The following RAP1GAP2 variants were observed in gnomAD, a reference collection of about 807,000 sequenced individuals.
RAP1GAP2 encodes RAP1 GTPase activating protein 2, also known as rap1 GTPase-activating protein 2.
A neutral mutation model predicts 95.0 loss-of-function variants in RAP1GAP2; 27 were observed. The observed-to-expected ratio is 0.28, with a 90% CI of 0.21 to 0.39. The LOEUF (loss-of-function observed/expected upper bound fraction) is 0.39, where lower values mean the gene tolerates loss of function less well. RAP1GAP2 is among the 10% of genes least tolerant of loss of function. RAP1GAP2 has a pLI of 1.00. For synonymous variants in RAP1GAP2, 373 were observed against 380.9 expected (o/e 0.98, Z 0.24); for missense variants, 771 against 970.0 (o/e 0.79, Z 2.72).
chr17:2,849,652 A>C (rs1045181023), intron 2 of RAP1GAP2, among the ~76,000 whole-genome samples: 1 of 151,890 alleles, frequency 6.6e-6, no homozygotes, highest in African/African-American at 2.4e-5. Flanking sequence ...TGGAAGAGAG[A>C]CCTGGGCTGG....
At chr17:3,007,923 T>G (rs2046386486) in intron 16 of RAP1GAP2, 88 bp from the exon 17 acceptor site, 1 of 1,485,386 alleles carries the variant, frequency 6.7e-7, no homozygotes, top group Non-Finnish European at 9.1e-7. Context: ...AATGTCAGCC[T>G]CCAGGCCAGG....
intron 17 of RAP1GAP2, among the ~76,000 whole-genome samples, chr17:3,010,015 T>G (rs900304269): frequency 3.9e-5 from 6 of 152,062 alleles, no homozygotes; most frequent in Non-Finnish European, 8.8e-5. Context: ...CAAAACATTC[T>G]GCATCCCTCA....
intron 1 of RAP1GAP2, among the ~76,000 whole-genome samples, chr17:2,758,080 C>A (rs183769466): frequency 1.3e-3 from 189 of 149,464 alleles, no homozygotes; most frequent in Middle Eastern, 3.6e-3. Context: ...CATGTTAGCC[C>A]GGATGGTGTC....
intron 8 of RAP1GAP2, among the ~76,000 whole-genome samples, chr17:2,974,335 C>T (rs747654647): frequency 6.0e-5 from 9 of 149,644 alleles, no homozygotes; most frequent in African/African-American, 7.5e-5. Flanking sequence ...GGCGAAAGAG[C>T]GAGATTCCAT....
intron 3 of RAP1GAP2, among the ~76,000 whole-genome samples, chr17:2,915,822 C>T (rs1377375010): frequency 6.6e-6 from 1 of 152,092 alleles, no homozygotes; most frequent in African/African-American, 2.4e-5. Flanking sequence ...CTCAGCTTTT[C>T]GAATAGCTGG....
chr17:2,833,034 T>A (rs972284765), intron 2 of RAP1GAP2, among the ~76,000 whole-genome samples: 2 of 152,034 alleles, frequency 1.3e-5, no homozygotes, highest in African/African-American at 4.8e-5. Flanking sequence ...TAACCATCAA[T>A]GTCCATACAT....
chr17:3,014,132 AGC>A (rs2046670517), intron 17 of RAP1GAP2, among the ~76,000 whole-genome samples: 2 of 151,016 alleles, frequency 1.3e-5, no homozygotes, highest in Admixed American at 6.6e-5. Context: ...TCGGCTATAG[AGC>A]GTGTGGCTGC....
chr17:2,824,692 A>C (rs372491323), intron 2 of RAP1GAP2, among the ~76,000 whole-genome samples: 17 of 142,248 alleles, frequency 1.2e-4, no homozygotes, highest in African/African-American at 3.9e-4. Context: ...GTGAGCCGAG[A>C]TTGCGCCATT....
At chr17:2,800,685 C>T in intron 2 of RAP1GAP2, 135 bp downstream of exon 2, 8 of 960,754 alleles carry the variant, frequency 8.3e-6, no homozygotes, top group Admixed American at 2.0e-5. Flanking sequence ...GTCCATGGTG[C>T]TTCCAGATCG....
intron 2 of RAP1GAP2, among the ~76,000 whole-genome samples, chr17:2,886,298 G>A (rs760372958): frequency 5.3e-5 from 8 of 151,038 alleles, no homozygotes; most frequent in South Asian, 2.1e-4. Context: ...TCAGCCTCTC[G>A]AGTAGCTGGT....
intron 4 of RAP1GAP2, among the ~76,000 whole-genome samples, chr17:2,960,593 C>G (rs1381173270): frequency 6.6e-6 from 1 of 152,110 alleles, no homozygotes. Flanking sequence ...GCCGGTGACC[C>G]GGCTTCAAAT....
intron 2 of RAP1GAP2, among the ~76,000 whole-genome samples, chr17:2,838,049 C>T (rs1433986212): frequency 1.2e-4 from 14 of 118,524 alleles, no homozygotes; most frequent in Admixed American, 1.0e-3. Flanking sequence ...GACAGAGTCT[C>T]GCCTTATCAC....
chr17:2,835,767 A>T (rs9747501), intron 2 of RAP1GAP2, among the ~76,000 whole-genome samples: 1 of 152,144 alleles, frequency 6.6e-6, no homozygotes, highest in African/African-American at 2.4e-5. Flanking sequence ...AAAGTTGTTT[A>T]GTAGAACGTC....
At chr17:2,935,745 T>G (rs993109786) in intron 3 of RAP1GAP2, among the ~76,000 whole-genome samples, 2 of 152,176 alleles carry the variant, frequency 1.3e-5, no homozygotes, top group Non-Finnish European at 2.9e-5. Flanking sequence ...ATTACTCCAG[T>G]GTCACAAAGG....
Position 2,904,565 on chromosome 17 carries a change from T to TGTAC in RAP1GAP2, c.81-717_81-716insACGT, listed in dbSNP as rs2042133380. ...GTGTGTGTGTGTGTGTGTGTGTGTG[T>TGTAC]GTGTACGTGCAGAGGGGCTCAAGGG... On this transcript the variant is annotated intron_variant, in intron 2 of 24. Transcript: ENST00000254695. This position sits in a 1 kb window ranked among gnomAD's most constrained non-coding sequence, Gnocchi z 4.7. Among the ~76,000 whole-genome samples the TGTAC allele has an allele frequency of 6.6e-6, 1 of 151,824 alleles. No individual in the cohort carries two copies. The highest frequency in any genetic ancestry group is 2.4e-5 in the African/African-American group (1 of 41,352).
chr17:3,033,141 T>G lies in RAP1GAP2; in HGVS notation c.*31-251T>G, dbSNP rs1382582631. 6.5e-6 allele frequency: 1 copy of G among 152,736 alleles called. No individual in the cohort carries two copies. The highest frequency in any genetic ancestry group is 2.4e-5 in the African/African-American group (1 of 41,438). 9.5% of individuals were successfully genotyped at this position (152,736 alleles called of 1,614,324 possible). On this transcript the variant is annotated intron_variant, in intron 24 of 24. Coordinates refer to ENST00000254695, the MANE Select transcript of RAP1GAP2 (RefSeq NM_015085.5). This position sits in a 1 kb window ranked among gnomAD's most constrained non-coding sequence, Gnocchi z 4.9. ...AAAAAGCAGAAGACAAATGGGCATA[T>G]GGACCTTCACCCCCGGCTCCCATCA...
intron 2 of RAP1GAP2, among the ~76,000 whole-genome samples, chr17:2,895,150 C>T (rs1190619473): frequency 6.6e-6 from 1 of 152,232 alleles, no homozygotes; most frequent in Non-Finnish European, 1.5e-5. Context: ...CTTTACGTCA[C>T]TACCATAAAA....
chr17:2,963,025 C>T lies in RAP1GAP2; in HGVS notation c.246+311C>T, dbSNP rs930379336. The stretch of plus-strand genomic sequence containing the variant: ...GTGTGTAAGGGTGTCAGGCTCTGTG[C>T]CCCGGGTTCCAGTGGGCAGTCAGCT... On this transcript the variant is annotated intron_variant, in intron 5 of 24. Transcript: ENST00000254695. The surrounding 1 kb of genome is among the most constrained non-coding windows in gnomAD (Gnocchi z 4.8). 1 of 523,620 alleles carries T rather than the reference C, an allele frequency of 1.9e-6. No homozygotes were observed. Among genetic ancestry groups the T allele is most frequent in the Non-Finnish European group, 3.4e-6 (1 of 295,444 alleles). The allele number at this position is 523,620 out of a possible 1,614,324, so 32.4% of individuals were successfully genotyped here. A position where few individuals can be genotyped will look rare whatever the true frequency, so the allele number is the denominator to read the frequency against.
intron 2 of RAP1GAP2, among the ~76,000 whole-genome samples, chr17:2,850,970 G>A (rs1350308388): frequency 6.6e-6 from 1 of 151,598 alleles, no homozygotes; most frequent in African/African-American, 2.4e-5. Flanking sequence ...TGAGCCAGGA[G>A]AATCGCTTGA....
Sources: allele counts gnomAD v4.1 joint callset (sites outside exome capture counted in the v4.1 genomes callset), GRCh38; gene constraint gnomAD v4.1.1; non-coding constraint Gnocchi (gnomAD v3.1); transcripts MANE v1.5; gene names NCBI Gene and HGNC (gene_info 2026-07-23, HGNC 2026-07-21).